LRRC4B: variants seen among roughly 807,000 people sequenced by gnomAD.
LRRC4B encodes leucine-rich repeat-containing protein 4B.
In LRRC4B, 1 loss-of-function variant was observed where a neutral mutation model predicts 7.3. That is an observed-to-expected ratio of 0.14 (90% CI 0.05 to 0.65). The LOEUF is 0.65. Among genes scored for constraint, LRRC4B ranks in the 30% least tolerant of loss-of-function variants. The pLI is 0.84. For missense variants in LRRC4B, 730 were observed against 1,041.6 expected, an observed-to-expected ratio of 0.70 and a Z score of 4.12; for synonymous variants, 500 against 499.2, an observed-to-expected ratio of 1.00 and a Z score of -0.02.
intron 2 of LRRC4B, among the ~76,000 whole-genome samples, chr19:50,534,409 G>GC (rs1981177240): frequency 6.6e-6 from 1 of 151,978 alleles, no homozygotes; most frequent in African/African-American, 2.4e-5. Context: ...AAATCCTCCT[G>GC]CCCCCTCACC....
Position 50,523,262 on chromosome 19 carries a change from C to T in LRRC4B, c.298-3847G>A, listed in dbSNP as rs534351516. 6.6e-5 allele frequency among the ~76,000 whole-genome samples: 10 copies of T among 152,266 alleles called. No homozygotes were observed. The South Asian group carries it at 8.3e-4, about 13-fold the overall frequency. ...GTGGTGTGTGCCAGGGAGAAGGGGA[C>T]GGACACTGGGGGAATGCGGTGTTAC... is the stretch of plus-strand genomic sequence containing the variant. On this transcript the variant is annotated intron_variant, in intron 2 of 2. Coordinates refer to ENST00000652263, the MANE Select transcript of LRRC4B (RefSeq NM_001080457.2).
At chr19:50,528,091 G>A (rs1447604361) in intron 2 of LRRC4B, among the ~76,000 whole-genome samples, 1 of 151,762 alleles carries the variant, frequency 6.6e-6, no homozygotes, top group African/African-American at 2.4e-5. Flanking sequence ...CACTCTGGCT[G>A]AAGTGCAGTG....
intron 2 of LRRC4B, among the ~76,000 whole-genome samples, chr19:50,525,065 C>T (rs139108588): frequency 6.6e-6 from 1 of 152,344 alleles, no homozygotes; most frequent in Non-Finnish European, 1.5e-5. Context: ...CCACCTCACA[C>T]CCACCCATCG....
intron 2 of LRRC4B, among the ~76,000 whole-genome samples, chr19:50,525,779 CT>C (rs1568719159): frequency 6.6e-6 from 1 of 152,084 alleles, no homozygotes. Context: ...TCCTGGCCCC[CT>C]GTCCTCCGAC....
rs566001822 is a variant in LRRC4B, at chr19:50,518,904, C to T, written c.809G>A (p.Arg270His). The change falls in exon 3 of 3, where the codon CGC becomes CAC. Residue 270 changes from arginine to histidine, a missense_variant. This residue lies in a region of LRRC4B where 226 missense variants were observed against 448.0 expected (regional missense o/e 0.50). Coordinates refer to ENST00000652263, the MANE Select transcript of LRRC4B (RefSeq NM_001080457.2). Reference protein sequence around the residue: ...LMHAQVATIERNAFDDLKSLE... With the variant: ...LMHAQVATIEHNAFDDLKSLE... ...CGACTTGAGGTCGTCGAAGGCGTTG[C>T]GCTCGATGGTGGCTACCTGGGCGTG... 1.9e-6 allele frequency: 3 copies of T among 1,614,036 alleles called. No individual in the cohort carries two copies. The highest frequency in any genetic ancestry group is 2.7e-5 in the African/African-American group (2 of 75,034).
At position 50,548,256 on chromosome 19, in the gene LRRC4B, GCCGAC is replaced by G. The variant is rs1016032623; in HGVS notation, c.297+281_297+285del. Among the ~76,000 whole-genome samples the G allele has an allele frequency of 7.9e-5, 12 of 152,178 alleles. No homozygotes were observed. Among genetic ancestry groups the G allele is most frequent in the African/African-American group, 2.4e-4 (10 of 41,456 alleles). ...CCAGGGACTCCAGGGCTCGGCCTAGGCCGACCCGCCTGTCCTGTGCCGGGGGGGCT... is the reference window on the plus strand; with the variant it reads ...CCAGGGACTCCAGGGCTCGGCCTAGGCCGCCTGTCCTGTGCCGGGGGGGCT... On this transcript the variant is annotated intron_variant, in intron 2 of 2. Coordinates refer to ENST00000652263, the MANE Select transcript of LRRC4B (RefSeq NM_001080457.2). This position sits in a 1 kb window ranked among gnomAD's most constrained non-coding sequence, Gnocchi z 6.8.
intron 1 of LRRC4B, among the ~76,000 whole-genome samples, chr19:50,552,683 T>TCCAC (rs55739228): frequency 0.43 from 52,005 of 121,504 alleles, 13,396 homozygotes; most frequent in East Asian, 0.68. Flanking sequence ...CATCCATCCA[T>TCCAC]CCATCCGTCC....
At position 50,517,870 on chromosome 19, in the gene LRRC4B, C is replaced by G; in HGVS notation, c.1843G>C (p.Val615Leu). The G allele has an allele frequency of 6.3e-7, 1 of 1,593,922 alleles. No homozygotes were observed. Among genetic ancestry groups the G allele is most frequent in the Non-Finnish European group, 8.5e-7 (1 of 1,173,512 alleles). The part of the protein sequence containing the change: ...LHKHHGPTRT[V>L]EIINVEDELP... The stretch of plus-strand genomic sequence containing the variant: ...TCGTCCTCCACGTTGATGATCTCCA[C>G]GGTGCGCGTGGGCCCGTGGTGCTTG... The change falls in exon 3 of 3, where the codon GTG becomes CTG. Residue 615 changes from valine to leucine, a missense_variant. This residue lies in a region of LRRC4B where 160 missense variants were observed against 163.9 expected (regional missense o/e 0.98). Coordinates refer to ENST00000652263, the MANE Select transcript of LRRC4B (RefSeq NM_001080457.2). The surrounding 1 kb of genome is among the most constrained non-coding windows in gnomAD (Gnocchi z 6.6).
At chr19:50,533,146 G>T (rs886696045) in intron 2 of LRRC4B, among the ~76,000 whole-genome samples, 1 of 152,126 alleles carries the variant, frequency 6.6e-6, no homozygotes, top group African/African-American at 2.4e-5. Flanking sequence ...TTAACTGGAA[G>T]TTTAGCTCAT....
At chr19:50,550,814 T>C (rs938576779) in intron 1 of LRRC4B, 2 of 152,346 alleles carry the variant, frequency 1.3e-5, no homozygotes, top group Admixed American at 1.3e-4. Context: ...GGTGAGGGTC[T>C]TCATTTTCCT....
rs1366765978 is a variant in LRRC4B, at chr19:50,537,968, C to G, written c.297+10574G>C. ...ACCTCCTGGCTGCTGGTCGCAGGCC[C>G]GCGGCTGGGGAATGTCCCAGTTGAC... is the stretch of plus-strand genomic sequence containing the variant. On this transcript the variant is annotated intron_variant, in intron 2 of 2. Transcript: ENST00000652263. The surrounding 1 kb of genome is among the most constrained non-coding windows in gnomAD (Gnocchi z 5.5). Among the ~76,000 whole-genome samples the G allele has an allele frequency of 6.6e-6, 1 of 152,196 alleles. No homozygotes were observed. Among genetic ancestry groups the G allele is most frequent in the Non-Finnish European group, 1.5e-5 (1 of 68,026 alleles).
intron 2 of LRRC4B, among the ~76,000 whole-genome samples, chr19:50,547,480 G>A (rs537429342): frequency 2.6e-5 from 4 of 152,008 alleles, no homozygotes; most frequent in South Asian, 4.2e-4. Flanking sequence ...ATCTGGAGGG[G>A]CTGGGACCTC....
intron 2 of LRRC4B, among the ~76,000 whole-genome samples, chr19:50,538,012 C>G (rs1981364555): frequency 6.6e-6 from 1 of 152,166 alleles, no homozygotes; most frequent in Non-Finnish European, 1.5e-5. Context: ...AGGTCAGCTC[C>G]TAGATTCCCC....
chr19:50,542,675 C>T (rs1447668072), intron 2 of LRRC4B, among the ~76,000 whole-genome samples: 2 of 151,918 alleles, frequency 1.3e-5, no homozygotes, highest in Non-Finnish European at 2.9e-5. Context: ...TGGGGTTTCA[C>T]CATGTTGGCC....
chr19:50,564,482 C>G (rs1018527713), intron 1 of LRRC4B, among the ~76,000 whole-genome samples: 3 of 151,610 alleles, frequency 2.0e-5, no homozygotes, highest in Non-Finnish European at 2.9e-5. Context: ...AGAGCGGTGT[C>G]GAGCAGAGAC....
chr19:50,528,454 C>T lies in LRRC4B; in HGVS notation c.298-9039G>A, dbSNP rs1980912690. ...CTGCCTTCTGGGTTTAAGCAATTCT[C>T]CTGCCTCAGCCTCCCGAGAAGCTGG... On this transcript the variant is annotated intron_variant, in intron 2 of 2. Coordinates refer to ENST00000652263, the MANE Select transcript of LRRC4B (RefSeq NM_001080457.2). 2.6e-5 allele frequency among the ~76,000 whole-genome samples: 4 copies of T among 152,286 alleles called. No individual in the cohort carries two copies. The South Asian group carries it at 8.3e-4, about 32-fold the overall frequency.
At chr19:50,566,992 G>A (rs1015017820) in intron 1 of LRRC4B, among the ~76,000 whole-genome samples, 20 of 151,476 alleles carry the variant, frequency 1.3e-4, no homozygotes, top group Non-Finnish European at 2.9e-5. Flanking sequence ...GGGTCTCCTG[G>A]ACAGAAGGTC....
chr19:50,535,023 C>G (rs544331699), intron 2 of LRRC4B, among the ~76,000 whole-genome samples: 65 of 151,960 alleles, frequency 4.3e-4, no homozygotes, highest in African/African-American at 1.5e-3. Flanking sequence ...CGCCTGCCAC[C>G]ACACCCAGCT....
chr19:50,520,348 G>T, intron 2 of LRRC4B, among the ~76,000 whole-genome samples: 1 of 151,014 alleles, frequency 6.6e-6, no homozygotes. Context: ...TTTTGGGGAC[G>T]GCCAGGCATG....
Sources: allele counts gnomAD v4.1 joint callset (sites outside exome capture counted in the v4.1 genomes callset), GRCh38; gene constraint gnomAD v4.1.1; regional missense constraint gnomAD v4.1.1; non-coding constraint Gnocchi (gnomAD v3.1); transcripts MANE v1.5; gene names NCBI Gene and HGNC (gene_info 2026-07-23, HGNC 2026-07-21).